Variants in ZNF469 observed in about 807,000 individuals in gnomAD.
ZNF469 encodes the protein zinc finger protein 469.
Under a neutral mutation model 1.0 loss-of-function variants are expected in ZNF469, and 1 was observed. The observed-to-expected ratio is 1.00, with a 90% CI of 0.35 to 4.73. The LOEUF (loss-of-function observed/expected upper bound fraction) is 4.73, where lower values mean the gene tolerates loss of function less well. Among genes scored for constraint, ZNF469 ranks in the 30% most tolerant of loss-of-function variants. The pLI is 0.16. For synonymous variants in ZNF469, 2,703 were observed against 2,363.4 expected (o/e 1.14, Z -4.17); for missense variants, 6,100 against 5,356.3 (o/e 1.14, Z -4.33).
At chr16:88,331,475 A>T in the ZNF469 span, among the ~76,000 whole-genome samples, 1 of 150,956 alleles carries the variant, frequency 6.6e-6, no homozygotes, top group Non-Finnish European at 1.5e-5. Flanking sequence ...TACCACCATC[A>T]TCACCATCAT....
the ZNF469 span, among the ~76,000 whole-genome samples, chr16:88,364,217 C>CTATCA: frequency 6.6e-6 from 1 of 152,154 alleles, no homozygotes. Context: ...ACTGAAAATA[C>CTATCA]TATCATTTCC....
intron 1 of ZNF469, among the ~76,000 whole-genome samples, chr16:88,398,328 T>C (rs533411644): frequency 6.6e-6 from 1 of 152,018 alleles, no homozygotes; most frequent in East Asian, 1.9e-4. Context: ...AAGGGCCACG[T>C]GAGCCACGGG....
At position 88,433,783 on chromosome 16, in the gene ZNF469, C is replaced by T; in HGVS notation, c.6313C>T (p.Pro2105Ser). ...PLLATGDSPA[P>S]SVGDLAACAP... is the part of the protein sequence containing the mutation. ...GCTGGCCACAGGGGATAGCCCAGCA[C>T]CCTCTGTCGGGGACCTGGCCGCCTG... is the stretch of plus-strand genomic sequence containing the variant. The change falls in exon 3 of 3, where the codon CCC (proline) becomes TCC (serine). Residue 2105 changes from proline (P) to serine (S), a missense_variant. Pro to Ser is a moderately conservative substitution (Grantham distance 74). Coordinates refer to ENST00000565624, the MANE Select transcript of ZNF469 (RefSeq NM_001367624.2). 1.3e-6 allele frequency: 2 copies of T among 1,549,698 alleles called. No individual in the cohort carries two copies. The highest frequency in any genetic ancestry group is 1.7e-6 in the Non-Finnish European group (2 of 1,146,882).
chr16:88,209,401 C>G, the ZNF469 span, among the ~76,000 whole-genome samples: 1 of 151,994 alleles, frequency 6.6e-6, no homozygotes, highest in East Asian at 1.9e-4. Flanking sequence ...TGCCATTCTC[C>G]TGTCTCAGCC....
intron 1 of ZNF469, among the ~76,000 whole-genome samples, chr16:88,401,018 G>T (rs1222182493): frequency 1.3e-5 from 2 of 152,044 alleles, no homozygotes; most frequent in African/African-American, 4.8e-5. Context: ...AGAGGCCATT[G>T]TCCCCCACCA....
the ZNF469 span, among the ~76,000 whole-genome samples, chr16:88,299,866 C>T: frequency 6.6e-6 from 1 of 152,190 alleles, no homozygotes; most frequent in Admixed American, 6.5e-5. Context: ...GCTGGAGTTT[C>T]CCTCTGAGGC....
chr16:88,376,530 G>C, the ZNF469 span, among the ~76,000 whole-genome samples: 1 of 152,220 alleles, frequency 6.6e-6, no homozygotes, highest in Non-Finnish European at 1.5e-5. Flanking sequence ...CCCGTGAACG[G>C]GCCCATTCAT....
chr16:88,393,975 G>A (rs535594692), intron 1 of ZNF469, among the ~76,000 whole-genome samples: 9 of 152,278 alleles, frequency 5.9e-5, no homozygotes, highest in South Asian at 2.1e-4. Flanking sequence ...GGTTTGACAC[G>A]TCTACACCTG....
the ZNF469 span, among the ~76,000 whole-genome samples, chr16:88,123,664 A>C: frequency 1.3e-5 from 2 of 151,842 alleles, no homozygotes; most frequent in African/African-American, 2.4e-5. Flanking sequence ...CGTCCCCCCC[A>C]GTAGATGTAG....
the ZNF469 span, among the ~76,000 whole-genome samples, chr16:88,126,133 G>A: frequency 6.9e-6 from 1 of 144,680 alleles, no homozygotes; most frequent in Non-Finnish European, 1.5e-5. Flanking sequence ...AGGTTGCAGT[G>A]AGCCGAGATT....
chr16:88,239,697 ATATATATATATATATATATTTTTTTTTT>A, the ZNF469 span, among the ~76,000 whole-genome samples: 10 of 6,568 alleles, frequency 1.5e-3, 1 homozygote, highest in South Asian at 7.5e-3. Context: ...ATATATATAT[ATATATATATATATATATATTTTTTTTTT>A]TTTTTTTTTT....
At chr16:88,145,366 C>A in the ZNF469 span, among the ~76,000 whole-genome samples, 210 of 152,340 alleles carry the variant, frequency 1.4e-3, 1 homozygote, top group South Asian at 8.3e-4. Flanking sequence ...CTGCTCCCCC[C>A]ACCTCCCCTC....
chr16:88,226,048 C>T, the ZNF469 span, among the ~76,000 whole-genome samples: 2 of 152,220 alleles, frequency 1.3e-5, no homozygotes, highest in South Asian at 2.1e-4. Context: ...TGCAGGGTGC[C>T]GTCACAGTGG....
the ZNF469 span, among the ~76,000 whole-genome samples, chr16:88,275,165 G>A: frequency 6.6e-6 from 1 of 152,254 alleles, no homozygotes; most frequent in South Asian, 2.1e-4. Flanking sequence ...AGCCTGCCGC[G>A]CATTTGGCCT....
the ZNF469 span, among the ~76,000 whole-genome samples, chr16:88,235,494 C>G: frequency 6.6e-6 from 1 of 152,222 alleles, no homozygotes; most frequent in Non-Finnish European, 1.5e-5. Context: ...CCACGCCAGA[C>G]CAGGCTGCAA....
chr16:88,429,489 A>G lies in ZNF469; in HGVS notation c.2019A>G (p.Ala673=), dbSNP rs1905971404. The change falls in exon 3 of 3, where the codon GCA becomes GCG. Residue 673 remains alanine, a synonymous_variant. Coordinates refer to ENST00000565624, the MANE Select transcript of ZNF469 (RefSeq NM_001367624.2). ...CAGCCAAGGCCTTCCCTTTTCCCGCAGATGGGCTGGGAGCCGAGGGTGCCT... is the reference window on the plus strand; with the variant it reads ...CAGCCAAGGCCTTCCCTTTTCCCGCGGATGGGCTGGGAGCCGAGGGTGCCT... ...PEPAKAFPFP[A]DGLGAEGAFQ... is the part of the protein sequence containing the mutation. 9 of 1,308,530 alleles carry G rather than the reference A, an allele frequency of 6.9e-6. No homozygotes were observed. Among genetic ancestry groups the G allele is most frequent in the Non-Finnish European group, 9.0e-6 (9 of 998,072 alleles). The allele number at this position is 1,308,530 out of a possible 1,614,324, so 81.1% of individuals were successfully genotyped here. A position where few individuals can be genotyped will look rare whatever the true frequency, so the allele number is the denominator to read the frequency against.
the ZNF469 span, among the ~76,000 whole-genome samples, chr16:88,375,569 C>G: frequency 6.6e-6 from 1 of 152,266 alleles, no homozygotes; most frequent in Admixed American, 6.5e-5. Flanking sequence ...ACCCAGACAT[C>G]GCCCCTGCCG....
the ZNF469 span, among the ~76,000 whole-genome samples, chr16:88,241,399 T>C: frequency 2.6e-5 from 4 of 151,510 alleles, no homozygotes; most frequent in Non-Finnish European, 1.5e-5. The surrounding 1 kb of genome is among the most constrained non-coding windows in gnomAD (Gnocchi z 4.8). Flanking sequence ...AAAAGTTTAT[T>C]TGTTGGGGAC....
the ZNF469 span, among the ~76,000 whole-genome samples, chr16:88,307,600 A>G: frequency 6.6e-6 from 1 of 152,214 alleles, no homozygotes; most frequent in East Asian, 1.9e-4. Context: ...GGCTAATGAT[A>G]TCAGTGTCTT....
Sources: allele counts gnomAD v4.1 joint callset (sites outside exome capture counted in the v4.1 genomes callset), GRCh38; gene constraint gnomAD v4.1.1; non-coding constraint Gnocchi (gnomAD v3.1); transcripts MANE v1.5; gene names NCBI Gene and HGNC (gene_info 2026-07-23, HGNC 2026-07-21).